ADK: variants seen among roughly 807,000 people sequenced by gnomAD.
The protein encoded by ADK is adenosine kinase, also known as N6,N6-dimethyladenosine kinase.
ADK carries 24 observed loss-of-function variants against 44.7 expected under a neutral mutation model. That is an observed-to-expected ratio of 0.54 (90% CI 0.39 to 0.76). ADK has a LOEUF of 0.76. ADK is among the 30% of genes least tolerant of loss of function. The pLI is 0.00. For synonymous variants in ADK, 128 were observed against 142.6 expected (o/e 0.90, Z 0.73); for missense variants, 321 against 425.1 (o/e 0.76, Z 2.15).
chr10:74,423,760 T>C (rs779291013), intron 6 of ADK: 32 of 406,048 alleles, frequency 7.9e-5, no homozygotes, highest in Admixed American at 3.4e-4. Flanking sequence ...TGTATCTTTT[T>C]TGGTGATTTC....
At chr10:74,472,311 A>T (rs1033135522) in intron 6 of ADK, among the ~76,000 whole-genome samples, 1 of 152,080 alleles carries the variant, frequency 6.6e-6, no homozygotes, top group African/African-American at 2.4e-5. Context: ...TTTCATATAC[A>T]GTCTTTATTG....
rs546811222 is a variant in ADK at position 74,462,449 on chromosome 10, A to ATG, written c.556-62795_556-62794dup. Reference sequence around the variant, plus strand: ...AGTATTTTGAAATATTTGTGTGTATATGTGTGTGTGTGTACACAAGCCACA... The same window carrying ATG: ...AGTATTTTGAAATATTTGTGTGTATATGTGTGTGTGTGTGTACACAAGCCACA... On this transcript the variant is annotated intron_variant, in intron 6 of 10. Coordinates refer to ENST00000539909, the MANE Select transcript of ADK (RefSeq NM_006721.4). Among the ~76,000 whole-genome samples, 9 of 151,918 alleles carry ATG rather than the reference A, an allele frequency of 5.9e-5. 2 individuals carry two copies. The South Asian group carries it at 6.2e-4, about 11-fold the overall frequency.
chr10:74,253,868 G>A (rs1845734915), intron 3 of ADK, among the ~76,000 whole-genome samples: 1 of 151,210 alleles, frequency 6.6e-6, no homozygotes, highest in Admixed American at 6.6e-5. Flanking sequence ...CCAGGTTCAG[G>A]TGATTCTTTT....
At chr10:74,373,690 T>A (rs966768949) in intron 4 of ADK, among the ~76,000 whole-genome samples, 1 of 152,194 alleles carries the variant, frequency 6.6e-6, no homozygotes, top group Non-Finnish European at 1.5e-5. Flanking sequence ...TGGAGAACCC[T>A]AAGGCATTGC....
At chr10:74,354,188 T>A (rs1004849316) in intron 4 of ADK, among the ~76,000 whole-genome samples, 2 of 152,254 alleles carry the variant, frequency 1.3e-5, no homozygotes, top group East Asian at 3.8e-4. Flanking sequence ...ACTCATTGTC[T>A]TGAGCATGTG....
At chr10:74,685,006 A>G (rs1271137334) in intron 10 of ADK, among the ~76,000 whole-genome samples, 1 of 152,224 alleles carries the variant, frequency 6.6e-6, no homozygotes, top group Non-Finnish European at 1.5e-5. Context: ...CAGAGTAAGG[A>G]GTTGCTTACC....
At chr10:74,569,188 T>G (rs1850828294) in intron 7 of ADK, among the ~76,000 whole-genome samples, 1 of 152,204 alleles carries the variant, frequency 6.6e-6, no homozygotes, top group Non-Finnish European at 1.5e-5. Flanking sequence ...GTTGGACATT[T>G]GGGTTGGTTC....
At chr10:74,554,072 T>C (rs936543347) in intron 7 of ADK, among the ~76,000 whole-genome samples, 1 of 152,232 alleles carries the variant, frequency 6.6e-6, no homozygotes, top group Admixed American at 6.5e-5. Flanking sequence ...TGCTTTTATA[T>C]TGAGTAAAAC....
At position 74,237,539 on chromosome 10, in the gene ADK, G is replaced by A. The variant is rs192252399; in HGVS notation, c.194+12948G>A. Among the ~76,000 whole-genome samples, 16 of 152,232 alleles carry A rather than the reference G, an allele frequency of 1.1e-4. No homozygotes were observed. The East Asian group carries it at 1.9e-3, about 18-fold the overall frequency. ...TGACCTCCTCCCATGAATCACGAAT[G>A]TTCTTAATGGCATCTAGAATGATGA... On this transcript the variant is annotated intron_variant, in intron 3 of 10. Transcript: ENST00000539909.
intron 9 of ADK, among the ~76,000 whole-genome samples, chr10:74,664,991 T>C (rs938701047): frequency 6.6e-6 from 1 of 152,222 alleles, no homozygotes; most frequent in African/African-American, 2.4e-5. Flanking sequence ...AACTATAACC[T>C]GGCTAACAGA....
intron 4 of ADK, among the ~76,000 whole-genome samples, chr10:74,356,307 C>T (rs1378293563): frequency 2.0e-5 from 3 of 151,868 alleles, no homozygotes; most frequent in Non-Finnish European, 4.4e-5. Context: ...CGTGAGCCAC[C>T]GCGCCCGGCC....
At chr10:74,408,223 C>A (rs1487214828) in intron 6 of ADK, among the ~76,000 whole-genome samples, 1 of 151,554 alleles carries the variant, frequency 6.6e-6, no homozygotes, top group Non-Finnish European at 1.5e-5. Flanking sequence ...GAACTCCTGA[C>A]CTCAAGTGAT....
chr10:74,385,975 C>T (rs1843125563), intron 4 of ADK, among the ~76,000 whole-genome samples: 1 of 152,002 alleles, frequency 6.6e-6, no homozygotes, highest in South Asian at 2.1e-4. Context: ...GGCAATGGAG[C>T]AGTTTTTTAA....
At chr10:74,336,730 C>A (rs896769291) in intron 4 of ADK, among the ~76,000 whole-genome samples, 1 of 152,128 alleles carries the variant, frequency 6.6e-6, no homozygotes, top group Non-Finnish European at 1.5e-5. Flanking sequence ...ATACTCAAGT[C>A]CCTTAAATGG....
intron 6 of ADK, among the ~76,000 whole-genome samples, chr10:74,493,442 ATATAT>A (rs934871807): frequency 6.6e-6 from 1 of 151,256 alleles, no homozygotes; most frequent in African/African-American, 2.4e-5. Context: ...CTATATATAT[ATATAT>A]ATCTCATCTA....
intron 1 of ADK, among the ~76,000 whole-genome samples, chr10:74,191,392 T>TA (rs991102720): frequency 2.6e-5 from 4 of 151,864 alleles, no homozygotes; most frequent in Admixed American, 2.0e-4. Context: ...TTTTAAGCAT[T>TA]AAAAAAAATT....
At chr10:74,674,043 G>A (rs998678915) in intron 10 of ADK, among the ~76,000 whole-genome samples, 1 of 152,050 alleles carries the variant, frequency 6.6e-6, no homozygotes, top group Admixed American at 6.6e-5. Flanking sequence ...GGTGGGGTGG[G>A]CCATGGGTGA....
chr10:74,287,187 G>A (rs1399246340), intron 3 of ADK, among the ~76,000 whole-genome samples: 1 of 152,100 alleles, frequency 6.6e-6, no homozygotes, highest in South Asian at 2.1e-4. Context: ...TCTCTTGGCC[G>A]GGCGCAGTGG....
chr10:74,288,339 T>C (rs2132469907), intron 3 of ADK, among the ~76,000 whole-genome samples: 1 of 152,260 alleles, frequency 6.6e-6, no homozygotes, highest in Non-Finnish European at 1.5e-5. Context: ...CATGTAAATC[T>C]GTGTTGATGT....
Sources: allele counts gnomAD v4.1 joint callset (sites outside exome capture counted in the v4.1 genomes callset), GRCh38; gene constraint gnomAD v4.1.1; transcripts MANE v1.5; gene names NCBI Gene and HGNC (gene_info 2026-07-23, HGNC 2026-07-21).